Variants in ZNF521 observed in about 807,000 individuals in gnomAD.
ZNF521 encodes LYST-interacting protein 3.
A neutral mutation model predicts 105.5 loss-of-function variants in ZNF521; 14 were observed. That is an observed-to-expected ratio of 0.13 (90% confidence interval 0.09 to 0.21). The LOEUF (loss-of-function observed/expected upper bound fraction) is 0.21, where lower values mean the gene tolerates loss of function less well. Ranked by LOEUF, ZNF521 falls within the 10% of genes least tolerant of loss-of-function variation. The pLI is 1.00. For synonymous variants in ZNF521, 635 were observed against 606.0 expected (o/e 1.05, Z -0.70); for missense variants, 1,233 against 1,629.7 (o/e 0.76, Z 4.19).
At chr18:25,096,077 A>T (rs1384764331) in intron 5 of ZNF521, among the ~76,000 whole-genome samples, 4 of 152,200 alleles carry the variant, frequency 2.6e-5, no homozygotes, top group Non-Finnish European at 5.9e-5. Flanking sequence ...CATGTATAGA[A>T]ATTTCATCTA....
At chr18:25,299,077 T>A (rs1382155871) in intron 3 of ZNF521, among the ~76,000 whole-genome samples, 1 of 152,210 alleles carries the variant, frequency 6.6e-6, no homozygotes, top group Admixed American at 6.5e-5. Context: ...GGAGATCACA[T>A]GATCCAGGTT....
chr18:25,121,044 C>CA lies in ZNF521; in HGVS notation c.3659-28964dup, dbSNP rs1452566488. Among the ~76,000 whole-genome samples the CA allele has an allele frequency of 4.1e-5, 6 of 146,252 alleles. No individual in the cohort carries two copies. The East Asian group carries it at 1.2e-3, about 29-fold the overall frequency. On this transcript the variant is annotated intron_variant, in intron 5 of 7. Transcript: ENST00000361524. ...GAAGTTTTTGGAGAAAAATCCAAAA[C>CA]AAAAAAATAATACTGAATTTGTTTT...
chr18:25,252,846 C>T (rs1195442030), intron 3 of ZNF521, among the ~76,000 whole-genome samples: 1 of 152,106 alleles, frequency 6.6e-6, no homozygotes, highest in Non-Finnish European at 1.5e-5. Context: ...TGTGCAAGTG[C>T]CTGTGCTTTC....
intron 5 of ZNF521, among the ~76,000 whole-genome samples, chr18:25,121,653 G>A (rs1456048002): frequency 6.6e-6 from 1 of 152,134 alleles, no homozygotes; most frequent in East Asian, 1.9e-4. Context: ...ACTGGAGGGG[G>A]ACAGTGAAGG....
intron 5 of ZNF521, among the ~76,000 whole-genome samples, chr18:25,163,199 A>T (rs2144529606): frequency 6.6e-6 from 1 of 152,326 alleles, no homozygotes; most frequent in Middle Eastern, 3.4e-3. Flanking sequence ...CATAGTCAAT[A>T]ATATCAGAGG....
At chr18:25,316,836 G>A (rs1164249320) in intron 3 of ZNF521, among the ~76,000 whole-genome samples, 7 of 147,730 alleles carry the variant, frequency 4.7e-5, no homozygotes, top group South Asian at 2.2e-4. Context: ...TTCAACAAGT[G>A]GCAAGTAAGA....
intron 3 of ZNF521, among the ~76,000 whole-genome samples, chr18:25,252,803 G>T: frequency 6.6e-6 from 1 of 152,078 alleles, no homozygotes; most frequent in Non-Finnish European, 1.5e-5. Context: ...TCCATAATGT[G>T]CTAGAAATGC....
intron 3 of ZNF521, among the ~76,000 whole-genome samples, chr18:25,270,643 A>T (rs529986324): frequency 6.6e-6 from 1 of 152,316 alleles, no homozygotes; most frequent in Admixed American, 6.5e-5. Context: ...AATAAACATA[A>T]TCCATCACAT....
chr18:25,344,295 A>G (rs2145217761), intron 2 of ZNF521, among the ~76,000 whole-genome samples: 1 of 151,920 alleles, frequency 6.6e-6, no homozygotes, highest in Non-Finnish European at 1.5e-5. Context: ...AATTATTTAA[A>G]CCATTTAAAA....
chr18:25,141,056 T>A (rs778800729), intron 5 of ZNF521, among the ~76,000 whole-genome samples: 14 of 152,184 alleles, frequency 9.2e-5, no homozygotes, highest in Non-Finnish European at 1.8e-4. Context: ...TTGCCTCACC[T>A]GATTCCTCTC....
chr18:25,123,944 A>G (rs2034491093), intron 5 of ZNF521, among the ~76,000 whole-genome samples: 1 of 152,100 alleles, frequency 6.6e-6, no homozygotes, highest in South Asian at 2.1e-4. Context: ...AATTCACTCG[A>G]CTGATTGTTA....
In ZNF521 at chr18:25,132,985, A is replaced by G. The variant is rs189198802; in HGVS notation, c.3659-40904T>C. ...CAGGACATGTGTGCGGCATCAGCTG[A>G]GTTCCCGAAGCAAAAGGTGTGTTGG... On this transcript the variant is annotated intron_variant, in intron 5 of 7. Coordinates refer to ENST00000361524, the MANE Select transcript of ZNF521 (RefSeq NM_015461.3). Among the ~76,000 whole-genome samples, 15 of 152,274 alleles carry G rather than the reference A, an allele frequency of 9.9e-5. No homozygotes were observed. In the East Asian group the frequency reaches 2.9e-3, roughly 29 times the overall value.
At chr18:25,123,743 T>C (rs906418832) in intron 5 of ZNF521, among the ~76,000 whole-genome samples, 3 of 152,236 alleles carry the variant, frequency 2.0e-5, no homozygotes, top group Non-Finnish European at 4.4e-5. Context: ...CTTGACCTAA[T>C]GTGCTTTCTA....
chr18:25,287,389 G>C lies in ZNF521; in HGVS notation c.220+34619C>G, dbSNP rs185920598. Among the ~76,000 whole-genome samples the C allele has an allele frequency of 2.0e-5, 3 of 152,312 alleles. No individual in the cohort carries two copies. The East Asian group carries it at 5.8e-4, about 29-fold the overall frequency. ...TTCAGAGTGTACTTATTACAGGACT[G>C]TCAGAGGAGTTTTTGTTTCAACAAC... On this transcript the variant is annotated intron_variant, in intron 3 of 7. Transcript: ENST00000361524.
At chr18:25,310,936 C>A (rs1319514761) in intron 3 of ZNF521, among the ~76,000 whole-genome samples, 2 of 152,142 alleles carry the variant, frequency 1.3e-5, no homozygotes, top group African/African-American at 2.4e-5. Flanking sequence ...TACTTAAATT[C>A]ATTCTACAAT....
At chr18:25,292,258 T>TATTCTGGTCGGATACTTA (rs1172549208) in intron 3 of ZNF521, among the ~76,000 whole-genome samples, 1 of 152,234 alleles carries the variant, frequency 6.6e-6, no homozygotes. Flanking sequence ...TCGGATACTT[T>TATTCTGGTCGGATACTTA]ATTCTGGTGA....
intron 7 of ZNF521, among the ~76,000 whole-genome samples, chr18:25,082,948 T>C (rs1219815077): frequency 1.3e-5 from 2 of 152,038 alleles, no homozygotes; most frequent in Non-Finnish European, 2.9e-5. Context: ...GTTACTTCCT[T>C]TGGATGTGCT....
chr18:25,149,970 TC>T (rs922261068), intron 5 of ZNF521, among the ~76,000 whole-genome samples: 2 of 152,334 alleles, frequency 1.3e-5, no homozygotes, highest in Admixed American at 6.5e-5. Context: ...CAATAACTAT[TC>T]TTGTTTTTGG....
At chr18:25,194,325 A>T (rs1381498585) in intron 5 of ZNF521, among the ~76,000 whole-genome samples, 1 of 151,834 alleles carries the variant, frequency 6.6e-6, no homozygotes, top group African/African-American at 2.4e-5. Context: ...AAATAGCATA[A>T]AGTAATAGCA....
Sources: allele counts gnomAD v4.1 joint callset (sites outside exome capture counted in the v4.1 genomes callset), GRCh38; gene constraint gnomAD v4.1.1; transcripts MANE v1.5; gene names NCBI Gene and HGNC (gene_info 2026-07-23, HGNC 2026-07-21).